ESR1: variants seen among roughly 807,000 people sequenced by gnomAD.
ESR1 encodes the protein estrogen receptor 1.
Under a neutral mutation model 52.7 loss-of-function variants are expected in ESR1, and 12 were observed. The observed-to-expected ratio is 0.23, with a 90% confidence interval of 0.15 to 0.37. ESR1 has a LOEUF of 0.37. ESR1 is among the 10% of genes least tolerant of loss of function. The pLI, the probability that ESR1 is intolerant of heterozygous loss-of-function variation, is 1.00. For synonymous variants in ESR1, 305 were observed against 316.8 expected (o/e 0.96, Z 0.39); for missense variants, 584 against 779.7 (o/e 0.75, Z 2.99).
At chr6:152,048,443 G>A (rs1219073738) in intron 5 of ESR1, among the ~76,000 whole-genome samples, 8 of 149,710 alleles carry the variant, frequency 5.3e-5, no homozygotes, top group South Asian at 4.2e-4. Flanking sequence ...AAGTTGCACC[G>A]CTTGTTGTAT....
intron 3 of ESR1, among the ~76,000 whole-genome samples, chr6:151,889,413 A>T (rs1027721630): frequency 2.0e-4 from 30 of 152,252 alleles, no homozygotes; most frequent in African/African-American, 6.7e-4. Context: ...CTAAGACTTT[A>T]TCCATTTATT....
At chr6:151,859,141 T>C (rs1378988925) in intron 2 of ESR1, among the ~76,000 whole-genome samples, 1 of 152,182 alleles carries the variant, frequency 6.6e-6, no homozygotes, top group African/African-American at 2.4e-5. Flanking sequence ...CCCTTATTTT[T>C]TTCATGTCTT....
chr6:151,729,119 G>T (rs1167332153), intron 2 of ESR1, among the ~76,000 whole-genome samples: 6 of 152,184 alleles, frequency 3.9e-5, no homozygotes, highest in Admixed American at 3.9e-4. Flanking sequence ...TAGGAGGAGA[G>T]GCTGTTGAGA....
At position 152,119,154 on chromosome 6, in the gene ESR1, GGTTT is replaced by G. The variant is rs527915115; in HGVS notation, c.851-6109_851-6106del. Among the ~76,000 whole-genome samples, 390 of 152,256 alleles carry G rather than the reference GGTTT, an allele frequency of 2.6e-3. 1 individual carries two copies. Among genetic ancestry groups the G allele is most frequent in the Middle Eastern group, 0.024 (7 of 294 alleles). ...TTCTTTGCTTTACGATCTTTTATGT[GGTTT>G]GTCAATTAAGTTTTGTAGCTATAAT... On this transcript the variant is annotated intron_variant, in intron 6 of 6. Transcript: ENST00000427531.
chr6:152,029,009 C>T (rs1037881913), intron 5 of ESR1, among the ~76,000 whole-genome samples: 5 of 152,238 alleles, frequency 3.3e-5, no homozygotes, highest in African/African-American at 7.2e-5. Context: ...GCAGCCTCCG[C>T]TGCTGATACC....
In ESR1 at chr6:151,656,991, G is replaced by T. The variant is rs373250460; in HGVS notation, n.73+228G>T. Among the ~76,000 whole-genome samples, 402 of 152,282 alleles carry T rather than the reference G, an allele frequency of 2.6e-3. 3 individuals are homozygous for T. In the Middle Eastern group the frequency reaches 0.034, roughly 13 times the overall value. On this transcript the variant is annotated intron_variant and non_coding_transcript_variant, in intron 1 of 2. Transcript: ENST00000473497. ...CTTCATACATGGTGTGGAGGTTTTT[G>T]GAGATTTTAATTTATAATGACAATC...
chr6:151,949,653 A>T (rs2036107554), intron 4 of ESR1, among the ~76,000 whole-genome samples: 1 of 152,242 alleles, frequency 6.6e-6, no homozygotes, highest in Non-Finnish European at 1.5e-5. Flanking sequence ...TGGACTGGCA[A>T]TATGCAGCTT....
intron 4 of ESR1, among the ~76,000 whole-genome samples, chr6:151,982,745 C>A (rs1302378228): frequency 1.3e-5 from 2 of 151,796 alleles, no homozygotes; most frequent in African/African-American, 2.4e-5. Flanking sequence ...ATAATATATT[C>A]ATTTAGTCCT....
At chr6:151,747,958 T>C (rs1783603570) in intron 2 of ESR1, among the ~76,000 whole-genome samples, 1 of 152,268 alleles carries the variant, frequency 6.6e-6, no homozygotes, top group African/African-American at 2.4e-5. Context: ...TGTGAGTTTT[T>C]GTGTGGACAC....
intron 4 of ESR1, among the ~76,000 whole-genome samples, chr6:152,009,302 G>A (rs930094214): frequency 1.3e-5 from 2 of 152,090 alleles, no homozygotes; most frequent in Non-Finnish European, 2.9e-5. Flanking sequence ...GCATGGCTGA[G>A]TGATGTAGTG....
chr6:151,700,307 T>C (rs1779675239), intron 1 of ESR1, among the ~76,000 whole-genome samples: 1 of 145,760 alleles, frequency 6.9e-6, no homozygotes, highest in Admixed American at 6.8e-5. Context: ...TAATTAGCCT[T>C]TTTTTCCCTC....
At chr6:151,781,761 C>A (rs1329339324) in intron 2 of ESR1, among the ~76,000 whole-genome samples, 1 of 150,766 alleles carries the variant, frequency 6.6e-6, no homozygotes, top group Non-Finnish European at 1.5e-5. Flanking sequence ...TATCTTCCTA[C>A]TAAACAGTGA....
chr6:151,857,007 G>A (rs1403113078), intron 2 of ESR1, among the ~76,000 whole-genome samples: 2 of 152,110 alleles, frequency 1.3e-5, no homozygotes, highest in African/African-American at 4.8e-5. Context: ...TGAATATAAG[G>A]CAAGATAAAA....
At position 152,027,381 on chromosome 6, in the gene ESR1, T is replaced by G. The variant is rs145212837; in HGVS notation, c.1235+15587T>G. ...GATATTAGCTCTATTATTAAGATAT[T>G]TAATGTCCACCTTCAGATTATATGC... On this transcript the variant is annotated intron_variant, in intron 5 of 7. Coordinates refer to ENST00000206249, the MANE Select transcript of ESR1 (RefSeq NM_000125.4). Among the ~76,000 whole-genome samples the G allele has an allele frequency of 5.0e-3, 769 of 152,336 alleles. 5 individuals carry two copies. Among genetic ancestry groups the G allele is most frequent in the African/African-American group, 0.018 (735 of 41,578 alleles).
At chr6:151,775,575 G>A (rs928795131) in intron 2 of ESR1, among the ~76,000 whole-genome samples, 5 of 151,820 alleles carry the variant, frequency 3.3e-5, no homozygotes, top group African/African-American at 1.2e-4. Flanking sequence ...GTGAAACCCT[G>A]TCTCTACTAA....
rs529880792 is a variant in ESR1 at position 151,888,654 on chromosome 6, C to A, written c.760+7883C>A. ...AACTTCTTCTTTTTCAATTTGCATG[C>A]CTTTATTTTTTTTCTTGCATAATTG... On this transcript the variant is annotated intron_variant, in intron 3 of 7. Transcript: ENST00000206249. Among the ~76,000 whole-genome samples the A allele has an allele frequency of 8.9e-4, 136 of 152,120 alleles. 1 individual carries two copies. Among genetic ancestry groups the A allele is most frequent in the African/African-American group, 3.1e-3 (130 of 41,514 alleles).
chr6:152,081,665 C>CA (rs1273368472), intron 6 of ESR1, among the ~76,000 whole-genome samples: 30 of 151,288 alleles, frequency 2.0e-4, no homozygotes, highest in Non-Finnish European at 1.0e-4. Flanking sequence ...AAAAGCCGTT[C>CA]AAAAAATCAA....
chr6:151,671,537 C>T (rs548792192), intron 1 of ESR1, among the ~76,000 whole-genome samples: 18 of 151,998 alleles, frequency 1.2e-4, no homozygotes, highest in East Asian at 1.9e-4. Flanking sequence ...AAATGGAATG[C>T]GGCAGAAAGG....
chr6:152,061,630 A>T lies in ESR1; in HGVS notation c.1369+506A>T, dbSNP rs866267856. On this transcript the variant is annotated intron_variant, in intron 6 of 7. Transcript: ENST00000206249. This position sits in a 1 kb window ranked among gnomAD's most constrained non-coding sequence, Gnocchi z 4.3. ...AAACAGAAGAATGTGGAATGCAATA[A>T]ATTGTCCAGCTGAAAGAACATTTTC... Among the ~76,000 whole-genome samples the T allele has an allele frequency of 1.3e-5, 2 of 152,332 alleles. No individual in the cohort carries two copies. Among genetic ancestry groups the T allele is most frequent in the African/African-American group, 4.8e-5 (2 of 41,578 alleles).
Sources: gnomAD v4.1 joint callset for allele counts (sites outside exome capture counted in the v4.1 genomes callset) on GRCh38, gnomAD v4.1.1 for gene constraint, Gnocchi (gnomAD v3.1) non-coding constraint, MANE v1.5 for transcripts, NCBI Gene and HGNC (gene_info 2026-07-23, HGNC 2026-07-21) for gene names.